PGM5: variants seen among roughly 807,000 people sequenced by gnomAD.
PGM5 encodes the protein phosphoglucomutase 5.
Under a neutral mutation model 59.2 loss-of-function variants are expected in PGM5, and 23 were observed. The ratio of observed to expected loss-of-function variants is 0.39; its 90% CI spans 0.28 to 0.55. PGM5 has a LOEUF of 0.55. Among genes scored for constraint, PGM5 ranks in the 20% least tolerant of loss-of-function variants. PGM5 has a pLI of 0.66. For missense variants in PGM5, 574 were observed against 748.3 expected, an observed-to-expected ratio of 0.77 and a Z score of 2.72; for synonymous variants, 214 against 286.0, an observed-to-expected ratio of 0.75 and a Z score of 2.54.
intron 10 of PGM5, among the ~76,000 whole-genome samples, chr9:68,514,529 G>A (rs1554689593): frequency 1.3e-5 from 2 of 152,174 alleles, no homozygotes; most frequent in Non-Finnish European, 2.9e-5. Context: ...TTGAACCTGG[G>A]AGGCGGTGGA....
chr9:68,401,496 C>T (rs1563994643), intron 6 of PGM5, among the ~76,000 whole-genome samples: 1 of 152,042 alleles, frequency 6.6e-6, no homozygotes, highest in Non-Finnish European at 1.5e-5. Context: ...CCTTCTTGGT[C>T]TAAACAAGTC....
intron 6 of PGM5, among the ~76,000 whole-genome samples, chr9:68,400,235 C>T (rs1184969572): frequency 1.3e-5 from 2 of 152,016 alleles, no homozygotes; most frequent in Admixed American, 6.6e-5. Flanking sequence ...CAGGAGATTC[C>T]GTCTCCTGAT....
At chr9:68,418,651 A>G (rs571093112) in intron 6 of PGM5, among the ~76,000 whole-genome samples, 1,884 of 151,962 alleles carry the variant, frequency 0.012, 50 homozygotes, top group African/African-American at 0.043. Context: ...GGACGACTTG[A>G]CTGGCTGCGC....
intron 1 of PGM5, among the ~76,000 whole-genome samples, chr9:68,372,942 G>T (rs1352047232): frequency 6.6e-6 from 1 of 152,016 alleles, no homozygotes; most frequent in African/African-American, 2.4e-5. Flanking sequence ...TGAGGGACTC[G>T]CCCCCATGAT....
chr9:68,379,620 TACATGGGTTAAACTCTCCA>T (rs1554678154), intron 2 of PGM5, among the ~76,000 whole-genome samples: 1 of 152,100 alleles, frequency 6.6e-6, no homozygotes, highest in African/African-American at 2.4e-5. Flanking sequence ...ACCTTGCTGG[TACATGGGTTAAACTCTCCA>T]ATCAAAAGAT....
intron 10 of PGM5, among the ~76,000 whole-genome samples, chr9:68,527,111 G>A (rs950078961): frequency 6.6e-6 from 1 of 152,172 alleles, no homozygotes; most frequent in Non-Finnish European, 1.5e-5. Context: ...GTTAAGTGGA[G>A]ATCAGAAAAG....
intron 6 of PGM5, among the ~76,000 whole-genome samples, chr9:68,441,357 C>T (rs1823526746): frequency 6.6e-6 from 1 of 151,886 alleles, no homozygotes. Flanking sequence ...ACTGATATTC[C>T]ATAAATATAG....
intron 6 of PGM5, among the ~76,000 whole-genome samples, chr9:68,445,394 C>T (rs577383345): frequency 3.2e-4 from 49 of 152,300 alleles, no homozygotes; most frequent in Middle Eastern, 3.4e-3. Context: ...TAGAAGGAAA[C>T]CCCATCCATT....
intron 1 of PGM5, among the ~76,000 whole-genome samples, chr9:68,362,060 G>A (rs1433943120): frequency 6.7e-6 from 1 of 149,204 alleles, no homozygotes; most frequent in Non-Finnish European, 1.5e-5. Context: ...ATCCTTGCTT[G>A]AGTTGATTAT....
intron 6 of PGM5, among the ~76,000 whole-genome samples, chr9:68,444,843 A>C (rs1205766975): frequency 2.6e-5 from 4 of 152,204 alleles, no homozygotes; most frequent in African/African-American, 9.6e-5. Flanking sequence ...AAGAAGGGGT[A>C]CAGGAAGGAG....
chr9:68,403,128 A>G (rs2132029617), intron 6 of PGM5, among the ~76,000 whole-genome samples: 1 of 152,344 alleles, frequency 6.6e-6, no homozygotes, highest in South Asian at 2.1e-4. Context: ...AGTGAGCATT[A>G]CTGCATGAGT....
In PGM5 at chr9:68,376,811, T is replaced by TTCTTTCTTTC. The variant is rs1384127936; in HGVS notation, c.262-1386_262-1377dup. ...TTTCTTTCTTTCTTTCTTTCTTTCT[T>TTCTTTCTTTC]TCTTTCTTTCTTTCTTTCTTTCTCT... On this transcript the variant is annotated intron_variant, in intron 1 of 10. Coordinates refer to ENST00000396396, the MANE Select transcript of PGM5 (RefSeq NM_021965.4). Among the ~76,000 whole-genome samples the TTCTTTCTTTC allele has an allele frequency of 3.5e-3, 396 of 111,844 alleles. 1 individual carries two copies. The highest frequency in any genetic ancestry group is 5.2e-3 in the Non-Finnish European group (278 of 53,974). 73.4% of individuals were successfully genotyped at this position (111,844 alleles called of 152,430 possible).
intron 6 of PGM5, among the ~76,000 whole-genome samples, chr9:68,432,403 G>C (rs1823368654): frequency 6.6e-6 from 1 of 151,840 alleles, no homozygotes; most frequent in African/African-American, 2.4e-5. Flanking sequence ...GTTTTGCCAT[G>C]TTGGCCAGGC....
At chr9:68,411,247 C>T (rs1822923897) in intron 6 of PGM5, among the ~76,000 whole-genome samples, 2 of 151,938 alleles carry the variant, frequency 1.3e-5, no homozygotes, top group Admixed American at 6.6e-5. Flanking sequence ...AGGTTATTTG[C>T]CCATTAGCCG....
chr9:68,478,909 C>T (rs1232043648), intron 7 of PGM5, among the ~76,000 whole-genome samples: 1 of 152,184 alleles, frequency 6.6e-6, no homozygotes, highest in East Asian at 1.9e-4. Flanking sequence ...TTAGGTCAAG[C>T]AGCTTTTGGT....
intron 7 of PGM5, among the ~76,000 whole-genome samples, chr9:68,478,106 A>C (rs977422379): frequency 3.3e-5 from 5 of 152,218 alleles, no homozygotes; most frequent in Non-Finnish European, 7.3e-5. Flanking sequence ...TCGTACTACA[A>C]CACATTTCTT....
rs187810369 is a variant in PGM5, at chr9:68,483,655, A to G, written c.1296-210A>G. On this transcript the variant is annotated intron_variant, in intron 8 of 10. Transcript: ENST00000396396. ...ATTTATAGAGGGATTTAATAGAAAG[A>G]AAGTGGCATGATTTGATTTTTACAA... 2.8e-3 allele frequency among the ~76,000 whole-genome samples: 425 copies of G among 152,314 alleles called. 1 individual carries two copies. The highest frequency in any genetic ancestry group is 9.5e-3 in the African/African-American group (393 of 41,568).
intron 10 of PGM5, among the ~76,000 whole-genome samples, chr9:68,510,373 G>C (rs974680337): frequency 6.6e-6 from 1 of 151,772 alleles, no homozygotes; most frequent in African/African-American, 2.4e-5. Flanking sequence ...GGATGGTCTC[G>C]ATCTCCTGAC....
intron 6 of PGM5, among the ~76,000 whole-genome samples, chr9:68,455,870 G>A (rs1823766418): frequency 6.6e-6 from 1 of 152,152 alleles, no homozygotes; most frequent in African/African-American, 2.4e-5. Context: ...GAATAGCAGG[G>A]GTCTGAGATA....
Sources: allele counts gnomAD v4.1 joint callset (sites outside exome capture counted in the v4.1 genomes callset), GRCh38; gene constraint gnomAD v4.1.1; transcripts MANE v1.5; gene names NCBI Gene and HGNC (gene_info 2026-07-23, HGNC 2026-07-21).